The following GPR149 variants were observed in gnomAD, a reference collection of about 807,000 sequenced individuals.
GPR149 encodes the protein probable G protein-coupled receptor 149.
Under a neutral mutation model 50.2 loss-of-function variants are expected in GPR149, and 50 were observed. The ratio of observed to expected loss-of-function variants is 1.00; its 90% CI spans 0.79 to 1.26. The LOEUF (loss-of-function observed/expected upper bound fraction) is 1.26. Among genes scored for constraint, GPR149 ranks in the 50% most tolerant of loss-of-function variants. The pLI is 0.00. For synonymous variants in GPR149, 405 were observed against 358.2 expected (o/e 1.13, Z -1.48); for missense variants, 983 against 895.4 (o/e 1.10, Z -1.25).
At chr3:154,342,999 T>C (rs1278846964) in intron 3 of GPR149, among the ~76,000 whole-genome samples, 2 of 152,162 alleles carry the variant, frequency 1.3e-5, no homozygotes, top group Non-Finnish European at 2.9e-5. Flanking sequence ...ATTTAGAAAA[T>C]AGTTTAATAA....
At chr3:154,382,979 G>A (rs1714965075) in intron 3 of GPR149, among the ~76,000 whole-genome samples, 2 of 152,106 alleles carry the variant, frequency 1.3e-5, no homozygotes, top group African/African-American at 2.4e-5. Flanking sequence ...TTGGGATGAG[G>A]GTGGTGGGAT....
At chr3:154,424,828 A>C (rs1399247116) in intron 2 of GPR149, among the ~76,000 whole-genome samples, 1 of 151,804 alleles carries the variant, frequency 6.6e-6, no homozygotes, top group African/African-American at 2.4e-5. Flanking sequence ...ATCCACTTAT[A>C]AAAACAAATC....
At chr3:154,399,180 C>T (rs1432195844) in intron 3 of GPR149, among the ~76,000 whole-genome samples, 11 of 152,082 alleles carry the variant, frequency 7.2e-5, no homozygotes, top group Admixed American at 2.0e-4. Context: ...GGTTGAGAAC[C>T]ACTGGCTGGA....
chr3:154,344,834 T>C (rs1287253208), intron 3 of GPR149, among the ~76,000 whole-genome samples: 1 of 152,208 alleles, frequency 6.6e-6, no homozygotes, highest in East Asian at 1.9e-4. Flanking sequence ...TTTCTAGAAA[T>C]GCGAGACAAC....
At chr3:154,352,734 A>G (rs1714111102) in intron 3 of GPR149, 2 of 787,902 alleles carry the variant, frequency 2.5e-6, no homozygotes, top group African/African-American at 1.7e-5. Context: ...AAGAAACGGA[A>G]GTCAGAAACC....
Position 154,336,565 on chromosome 3 carries a change from G to T in GPR149, c.*1134C>A, listed in dbSNP as rs1234478242. ...TTGAAATACATCTTACTATTATTCT[G>T]CCAAGGTGATTCCTGCATTTTTGCA... On this transcript the variant is annotated 3_prime_UTR_variant, in exon 4 of 4. Coordinates refer to ENST00000389740, the MANE Select transcript of GPR149 (RefSeq NM_001038705.3). 6.6e-6 allele frequency: 1 copy of T among 152,028 alleles called. No individual in the cohort carries two copies. The highest frequency in any genetic ancestry group is 1.5e-5 in the Non-Finnish European group (1 of 67,918). The allele number at this position is 152,028 out of a possible 1,614,324, so 9.4% of individuals were successfully genotyped here.
At chr3:154,412,661 G>A (rs890263390) in intron 3 of GPR149, among the ~76,000 whole-genome samples, 2 of 151,980 alleles carry the variant, frequency 1.3e-5, no homozygotes, top group African/African-American at 2.4e-5. Context: ...GATGACACAA[G>A]CAAATGGAAG....
intron 3 of GPR149, among the ~76,000 whole-genome samples, chr3:154,369,274 C>G (rs1314528951): frequency 6.6e-6 from 1 of 152,198 alleles, no homozygotes; most frequent in Non-Finnish European, 1.5e-5. Flanking sequence ...ACTGCCTTGC[C>G]ACAGTATTCC....
intron 3 of GPR149, among the ~76,000 whole-genome samples, chr3:154,388,871 A>AC (rs372504228): frequency 0.33 from 47,194 of 144,570 alleles, 7,592 homozygotes; most frequent in Middle Eastern, 0.36. Context: ...ACATATGAAA[A>AC]ACACACACAC....
intron 3 of GPR149, among the ~76,000 whole-genome samples, chr3:154,366,772 G>A (rs1040977716): frequency 2.6e-5 from 4 of 152,150 alleles, no homozygotes; most frequent in African/African-American, 9.7e-5. Flanking sequence ...TACATGTATT[G>A]ATTTATATCT....
intron 3 of GPR149, among the ~76,000 whole-genome samples, chr3:154,392,189 G>A (rs1443944414): frequency 2.6e-5 from 4 of 151,616 alleles, no homozygotes; most frequent in Non-Finnish European, 4.4e-5. Flanking sequence ...TTTCACCAAA[G>A]AGCAGCAGAA....
intron 3 of GPR149, among the ~76,000 whole-genome samples, chr3:154,379,845 G>A (rs1455792335): frequency 1.3e-5 from 2 of 151,928 alleles, no homozygotes; most frequent in Non-Finnish European, 2.9e-5. Flanking sequence ...TGTCTTTATA[G>A]CGAGTTTTGA....
rs565216539 is a variant in GPR149, at chr3:154,363,744, T to C, written c.1624-25473A>G. On this transcript the variant is annotated intron_variant, in intron 3 of 3. Transcript: ENST00000389740. The stretch of plus-strand genomic sequence containing the variant: ...TCTCTCTTGGTTGGTTCCTTCTGAA[T>C]GATGCCTTTTCAATCCAAAGGTGCT... Among the ~76,000 whole-genome samples, 37 of 152,302 alleles carry C rather than the reference T, an allele frequency of 2.4e-4. 1 individual carries two copies. In the South Asian group the frequency reaches 7.5e-3, roughly 31 times the overall value.
intron 3 of GPR149, among the ~76,000 whole-genome samples, chr3:154,344,827 C>G (rs1215837878): frequency 6.6e-6 from 1 of 152,200 alleles, no homozygotes; most frequent in Non-Finnish European, 1.5e-5. Flanking sequence ...CTTCTGGTTT[C>G]TAGAAATGCG....
chr3:154,354,346 C>G (rs545636830), intron 3 of GPR149: 4 of 238,598 alleles, frequency 1.7e-5, no homozygotes, highest in Non-Finnish European at 3.3e-5. Context: ...ATTGCAATAT[C>G]GATAGAGCTC....
chr3:154,384,085 C>A (rs1019639219), intron 3 of GPR149, among the ~76,000 whole-genome samples: 2 of 152,040 alleles, frequency 1.3e-5, no homozygotes, highest in African/African-American at 4.8e-5. Flanking sequence ...CCAACTAAGA[C>A]AAGATGAGAG....
chr3:154,355,890 C>T (rs1299239443), intron 3 of GPR149, among the ~76,000 whole-genome samples: 1 of 152,094 alleles, frequency 6.6e-6, no homozygotes, highest in Non-Finnish European at 1.5e-5. Flanking sequence ...TGTAAGGTTG[C>T]TATACTCCAG....
At chr3:154,380,813 C>T (rs1276146382) in intron 3 of GPR149, among the ~76,000 whole-genome samples, 1 of 152,136 alleles carries the variant, frequency 6.6e-6, no homozygotes, top group Non-Finnish European at 1.5e-5. Flanking sequence ...TTGAGCTAAG[C>T]CAATGTCAGA....
At chr3:154,402,584 G>T (rs1000261052) in intron 3 of GPR149, among the ~76,000 whole-genome samples, 9 of 117,288 alleles carry the variant, frequency 7.7e-5, no homozygotes, top group Non-Finnish European at 1.3e-4. Context: ...TGAAAGGACA[G>T]AGTTTGAAAG....
Sources: allele counts gnomAD v4.1 joint callset (sites outside exome capture counted in the v4.1 genomes callset), GRCh38; gene constraint gnomAD v4.1.1; transcripts MANE v1.5; gene names NCBI Gene and HGNC (gene_info 2026-07-23, HGNC 2026-07-21).